The following EBF2 variants were observed in gnomAD, a reference collection of about 807,000 sequenced individuals.
EBF2 encodes the protein transcription factor COE2.
EBF2 carries 21 observed loss-of-function variants against 72.8 expected under a neutral mutation model. The ratio of observed to expected loss-of-function variants is 0.29; its 90% confidence interval spans 0.20 to 0.42. The LOEUF (loss-of-function observed/expected upper bound fraction) is 0.42, where lower values mean the gene tolerates loss of function less well. Among genes scored for constraint, EBF2 ranks in the 10% least tolerant of loss-of-function variants. The probability of loss-of-function intolerance (pLI) is 1.00; values close to 1 mark genes in which losing one functional copy is unlikely to be tolerated. For synonymous variants in EBF2, 299 were observed against 274.2 expected (o/e 1.09, Z -0.89); for missense variants, 637 against 731.2 (o/e 0.87, Z 1.49).
At chr8:26,016,852 G>A (rs115740329) in intron 6 of EBF2, among the ~76,000 whole-genome samples, 267 of 152,244 alleles carry the variant, frequency 1.8e-3, no homozygotes, top group African/African-American at 6.0e-3. Flanking sequence ...ACTTTTGAAG[G>A]TCAAATGAGT....
intron 7 of EBF2, among the ~76,000 whole-genome samples, chr8:25,890,364 G>C (rs1802756998): frequency 6.6e-6 from 1 of 152,230 alleles, no homozygotes; most frequent in South Asian, 2.1e-4. Context: ...GCCCAGTAGA[G>C]AGTGGTGGCA....
chr8:26,028,374 G>A (rs561671137), intron 6 of EBF2, among the ~76,000 whole-genome samples: 5 of 152,328 alleles, frequency 3.3e-5, no homozygotes, highest in African/African-American at 4.8e-5. Context: ...GATATTTAGC[G>A]TGTGAGAAAT....
chr8:25,892,029 A>T (rs1478257222), intron 7 of EBF2, among the ~76,000 whole-genome samples: 1 of 152,178 alleles, frequency 6.6e-6, no homozygotes, highest in East Asian at 1.9e-4. Context: ...CGCCATTCTC[A>T]TCTCAGCTAC....
chr8:25,945,439 T>C (rs2117162346), intron 6 of EBF2, among the ~76,000 whole-genome samples: 1 of 152,116 alleles, frequency 6.6e-6, no homozygotes. Context: ...TTTCTCTGGC[T>C]CTTGGCCTGA....
At chr8:26,000,354 T>C (rs1424347604) in intron 6 of EBF2, among the ~76,000 whole-genome samples, 1 of 152,128 alleles carries the variant, frequency 6.6e-6, no homozygotes, top group East Asian at 1.9e-4. Flanking sequence ...ATATTTTGGG[T>C]CCAGTGGTAA....
chr8:25,904,974 TA>T (rs1250963437), intron 7 of EBF2, among the ~76,000 whole-genome samples: 3 of 152,080 alleles, frequency 2.0e-5, no homozygotes, highest in Non-Finnish European at 2.9e-5. Flanking sequence ...CCTGAATATA[TA>T]AAGAACTCTT....
chr8:25,926,159 G>A (rs192716302), intron 6 of EBF2, among the ~76,000 whole-genome samples: 114 of 152,186 alleles, frequency 7.5e-4, no homozygotes, highest in African/African-American at 2.6e-3. Context: ...AGGGCTCTGT[G>A]TCCCCAGGTA....
At chr8:25,968,212 G>A (rs1476346666) in intron 6 of EBF2, among the ~76,000 whole-genome samples, 6 of 152,056 alleles carry the variant, frequency 3.9e-5, no homozygotes, top group Admixed American at 3.9e-4. Context: ...ACTGGAAGCA[G>A]GGTTTGAAGA....
At chr8:25,953,166 AC>A (rs895901840) in intron 6 of EBF2, among the ~76,000 whole-genome samples, 4 of 152,112 alleles carry the variant, frequency 2.6e-5, no homozygotes, top group African/African-American at 7.2e-5. Flanking sequence ...TGCATACACC[AC>A]TGTGGCATTT....
intron 6 of EBF2, among the ~76,000 whole-genome samples, chr8:26,017,886 G>A (rs370912257): frequency 9.2e-5 from 14 of 152,310 alleles, no homozygotes; most frequent in African/African-American, 3.1e-4. Context: ...CATCCTCCAA[G>A]GACTGGCTTT....
intron 6 of EBF2, among the ~76,000 whole-genome samples, chr8:25,985,830 C>T (rs2117203917): frequency 6.6e-6 from 1 of 151,170 alleles, no homozygotes; most frequent in Non-Finnish European, 1.5e-5. Flanking sequence ...AGAGACCCCC[C>T]ATCTCTACAA....
intron 6 of EBF2, among the ~76,000 whole-genome samples, chr8:26,004,163 G>A (rs1804788658): frequency 6.6e-6 from 1 of 151,990 alleles, no homozygotes; most frequent in South Asian, 2.1e-4. Context: ...TCTACATGTG[G>A]AGTTTGTTGT....
chr8:26,037,816 G>GA (rs371913192), intron 5 of EBF2, among the ~76,000 whole-genome samples: 4 of 151,486 alleles, frequency 2.6e-5, no homozygotes, highest in Non-Finnish European at 4.4e-5. Flanking sequence ...GGGGAAGGGA[G>GA]AAAAAAAAAG....
chr8:25,957,205 G>A (rs1036674714), intron 6 of EBF2, among the ~76,000 whole-genome samples: 4 of 152,068 alleles, frequency 2.6e-5, no homozygotes, highest in Non-Finnish European at 4.4e-5. Flanking sequence ...TCCCCCCCAA[G>A]AGCAAATCTT....
chr8:25,850,115 ATT>A (rs1801930645), intron 15 of EBF2, among the ~76,000 whole-genome samples: 1 of 152,134 alleles, frequency 6.6e-6, no homozygotes, highest in Admixed American at 6.6e-5. Context: ...TTTTAAAAAA[ATT>A]TGATTATTTT....
intron 10 of EBF2, among the ~76,000 whole-genome samples, chr8:25,873,367 T>C (rs1802472270): frequency 6.6e-6 from 1 of 152,196 alleles, no homozygotes. Flanking sequence ...TTTGGAGCAG[T>C]GGCTTTCTTC....
At chr8:25,929,825 G>A (rs1021740685) in intron 6 of EBF2, among the ~76,000 whole-genome samples, 7 of 152,062 alleles carry the variant, frequency 4.6e-5, no homozygotes, top group Admixed American at 1.3e-4. Context: ...GTATCAGTGG[G>A]AAAATGGTGG....
intron 6 of EBF2, among the ~76,000 whole-genome samples, chr8:26,019,272 G>A (rs1354364562): frequency 6.6e-6 from 1 of 151,160 alleles, no homozygotes; most frequent in African/African-American, 2.4e-5. Flanking sequence ...TTGCTCAGCT[G>A]GTTCCCACTG....
chr8:26,042,122 G>A lies in EBF2; in HGVS notation c.261C>T (p.Ala87=). The part of the protein sequence containing the change: ...QGQPVEIERT[A]FVDFVENDKE... Reference sequence around the variant, plus strand: ...TGTCATTCTCCACAAAGTCCACGAAGGCCGTCCGCTCGATCTCCACCGGCT... The same window carrying A: ...TGTCATTCTCCACAAAGTCCACGAAAGCCGTCCGCTCGATCTCCACCGGCT... Residue 87 remains alanine (A), a synonymous_variant, in exon 2 of 16, where the codon GCC becomes GCT. Coordinates refer to ENST00000520164, the MANE Select transcript of EBF2 (RefSeq NM_022659.4). 6.2e-7 allele frequency: 1 copy of A among 1,614,130 alleles called. No individual in the cohort carries two copies. The highest frequency in any genetic ancestry group is 8.5e-7 in the Non-Finnish European group (1 of 1,180,016).
Sources: allele counts gnomAD v4.1 joint callset (sites outside exome capture counted in the v4.1 genomes callset), GRCh38; gene constraint gnomAD v4.1.1; transcripts MANE v1.5; gene names NCBI Gene and HGNC (gene_info 2026-07-23, HGNC 2026-07-21).